HEATR4: variants seen among roughly 807,000 people sequenced by gnomAD.
The protein encoded by HEATR4 is HEAT repeat containing 4, also known as HEAT repeat-containing protein 4.
HEATR4 carries 95 observed loss-of-function variants against 108.8 expected under a neutral mutation model. That is an observed-to-expected ratio of 0.87 (90% CI 0.74 to 1.04). The LOEUF (loss-of-function observed/expected upper bound fraction) is 1.04, where lower values mean the gene tolerates loss of function less well. Ranked by LOEUF, HEATR4 falls within the 50% of genes least tolerant of loss-of-function variation. HEATR4 has a pLI of 0.00. For synonymous variants in HEATR4, 443 were observed against 459.4 expected (o/e 0.96, Z 0.46); for missense variants, 1,152 against 1,253.8 (o/e 0.92, Z 1.23).
At chr14:73,606,396 A>C in the HEATR4 span, among the ~76,000 whole-genome samples, 1 of 141,936 alleles carries the variant, frequency 7.0e-6, no homozygotes, top group Non-Finnish European at 1.6e-5. Flanking sequence ...AAAAAAAAAA[A>C]AACTGTGATC....
the HEATR4 span, chr14:73,569,526 C>T: frequency 6.2e-7 from 1 of 1,607,700 alleles, no homozygotes; most frequent in Non-Finnish European, 8.5e-7. Context: ...GCCGGTCACG[C>T]TGCGCGCGTC....
At chr14:73,605,009 C>T in the HEATR4 span, among the ~76,000 whole-genome samples, 4 of 152,032 alleles carry the variant, frequency 2.6e-5, no homozygotes, top group Non-Finnish European at 5.9e-5. Flanking sequence ...CCCAATGAGT[C>T]CCAGGCTACC....
At position 73,532,375 on chromosome 14, in the gene HEATR4, G is replaced by A. The variant is rs1186295782; in HGVS notation, c.-151-2131C>T. 1.7e-5 allele frequency among the ~76,000 whole-genome samples: 2 copies of A among 116,086 alleles called. 1 individual carries two copies. The highest frequency in any genetic ancestry group is 5.6e-5 in the African/African-American group (2 of 35,666). The allele number at this position is 116,086 out of a possible 152,430, so 76.2% of individuals were successfully genotyped here. On this transcript the variant is annotated intron_variant, in intron 1 of 17. Transcript: ENST00000553558. ...TATTTCTAGTAGTATAATTTCACAC[G>A]TACAGAAATTCTTTAAGTCATAGAA...
intron 1 of HEATR4, chr14:73,541,820 T>A (rs1889097087): frequency 1.5e-6 from 1 of 648,884 alleles, no homozygotes; most frequent in South Asian, 1.8e-5. Context: ...CTACCTTTTT[T>A]AGTCACTTCT....
At chr14:73,565,194 G>C in the HEATR4 span, among the ~76,000 whole-genome samples, 3 of 152,058 alleles carry the variant, frequency 2.0e-5, no homozygotes, top group African/African-American at 7.2e-5. Context: ...CTGAGTCAAA[G>C]AGAAGGGATC....
At chr14:73,510,305 C>A (rs1474619528) in intron 7 of HEATR4, among the ~76,000 whole-genome samples, 1 of 151,998 alleles carries the variant, frequency 6.6e-6, no homozygotes, top group Non-Finnish European at 1.5e-5. Flanking sequence ...TTTTTTGGTT[C>A]AACTAAACAG....
At chr14:73,587,191 C>T in the HEATR4 span, among the ~76,000 whole-genome samples, 2 of 151,562 alleles carry the variant, frequency 1.3e-5, no homozygotes, top group South Asian at 4.2e-4. Flanking sequence ...AGCTGCCAGT[C>T]ATTCTTGGGC....
intron 7 of HEATR4, among the ~76,000 whole-genome samples, chr14:73,511,219 A>G (rs1265807589): frequency 6.6e-6 from 1 of 152,086 alleles, no homozygotes; most frequent in Non-Finnish European, 1.5e-5. Flanking sequence ...CGTGAATCAT[A>G]TTTTAAGATT....
At chr14:73,619,425 C>T in the HEATR4 span, 1 of 1,614,116 alleles carries the variant, frequency 6.2e-7, no homozygotes, top group Non-Finnish European at 8.5e-7. Context: ...AAGTAAAAAT[C>T]ACTAAGTCAG....
chr14:73,618,008 T>C, the HEATR4 span, among the ~76,000 whole-genome samples: 5 of 152,012 alleles, frequency 3.3e-5, no homozygotes, highest in African/African-American at 1.2e-4. Flanking sequence ...CTGGGCATGG[T>C]GGTGCACACC....
At chr14:73,526,557 C>T (rs899985588) in intron 2 of HEATR4, among the ~76,000 whole-genome samples, 1 of 151,886 alleles carries the variant, frequency 6.6e-6, no homozygotes, top group Non-Finnish European at 1.5e-5. Flanking sequence ...GAAGAGTACT[C>T]AAGTTGCAAG....
chr14:73,627,074 G>A, the HEATR4 span, among the ~76,000 whole-genome samples: 10 of 151,672 alleles, frequency 6.6e-5, no homozygotes, highest in Non-Finnish European at 1.5e-4. Context: ...TTACAGGTGT[G>A]AGCCACCATG....
the HEATR4 span, among the ~76,000 whole-genome samples, chr14:73,568,463 T>A: frequency 6.6e-6 from 1 of 151,260 alleles, no homozygotes; most frequent in Non-Finnish European, 1.5e-5. Flanking sequence ...AGAGGCTGAG[T>A]CAGGAAGATG....
the HEATR4 span, among the ~76,000 whole-genome samples, chr14:73,565,926 C>A: frequency 6.6e-6 from 1 of 152,040 alleles, no homozygotes; most frequent in Non-Finnish European, 1.5e-5. Flanking sequence ...CTTATCTGGC[C>A]CCACTCACAT....
chr14:73,481,498 C>T (rs1885254426), intron 17 of HEATR4, among the ~76,000 whole-genome samples: 1 of 152,000 alleles, frequency 6.6e-6, no homozygotes, highest in South Asian at 2.1e-4. Flanking sequence ...AGGCAACATA[C>T]TGTATAATTC....
At chr14:73,596,163 T>C in the HEATR4 span, 1 of 152,716 alleles carries the variant, frequency 6.5e-6, no homozygotes, top group South Asian at 2.1e-4. Context: ...CTGTACTCTC[T>C]TCCAAGGGTG....
chr14:73,593,800 T>C, the HEATR4 span: 1 of 1,614,054 alleles, frequency 6.2e-7, no homozygotes, highest in South Asian at 1.1e-5. Context: ...CTTTGCCACG[T>C]TGGCTCTAGC....
At chr14:73,490,015 T>A (rs954672233) in intron 17 of HEATR4, among the ~76,000 whole-genome samples, 4 of 152,196 alleles carry the variant, frequency 2.6e-5, no homozygotes, top group African/African-American at 7.2e-5. Flanking sequence ...CGGTGGAACA[T>A]CCTGTTTAGA....
chr14:73,545,027 G>GAA (rs112604801), intron 1 of HEATR4, among the ~76,000 whole-genome samples: 1 of 100,426 alleles, frequency 1.0e-5, no homozygotes. Flanking sequence ...GTATTTAAAA[G>GAA]AAAAAAAAAA....
Sources: gnomAD v4.1 joint callset for allele counts (sites outside exome capture counted in the v4.1 genomes callset) on GRCh38, gnomAD v4.1.1 for gene constraint, MANE v1.5 for transcripts, NCBI Gene and HGNC (gene_info 2026-07-23, HGNC 2026-07-21) for gene names.